NRG1: variants seen among roughly 807,000 people sequenced by gnomAD.
NRG1 encodes the protein neuregulin 1.
Under a neutral mutation model 63.8 loss-of-function variants are expected in NRG1, and 18 were observed. The observed-to-expected ratio is 0.28, with a 90% CI of 0.19 to 0.42. NRG1 has a LOEUF of 0.42. NRG1 is among the 10% of genes least tolerant of loss of function. The pLI, the probability that NRG1 is intolerant of heterozygous loss-of-function variation, is 1.00. For missense variants in NRG1, 762 were observed against 814.7 expected, an observed-to-expected ratio of 0.94 and a Z score of 0.79; for synonymous variants, 302 against 301.3, an observed-to-expected ratio of 1.00 and a Z score of -0.02.
intron 1 of NRG1, among the ~76,000 whole-genome samples, chr8:32,315,905 T>A (rs920875141): frequency 1.4e-5 from 2 of 144,812 alleles, no homozygotes; most frequent in Admixed American, 6.7e-5. Flanking sequence ...ATATTTTTAT[T>A]TAATACTAAG....
intron 1 of NRG1, among the ~76,000 whole-genome samples, chr8:32,093,720 G>T (rs1829513925): frequency 6.6e-6 from 1 of 152,152 alleles, no homozygotes; most frequent in South Asian, 2.1e-4. Context: ...CATTTAGTGG[G>T]GCAAAAAACG....
chr8:32,396,731 A>G (rs1812481492), intron 1 of NRG1, among the ~76,000 whole-genome samples: 1 of 152,212 alleles, frequency 6.6e-6, no homozygotes, highest in Non-Finnish European at 1.5e-5. Flanking sequence ...TACAGGCATG[A>G]GCCACTGTGC....
At chr8:32,243,545 A>T (rs1480299607) in intron 1 of NRG1, among the ~76,000 whole-genome samples, 1 of 151,962 alleles carries the variant, frequency 6.6e-6, no homozygotes, top group African/African-American at 2.4e-5. Flanking sequence ...TCACATTCTG[A>T]GGTGCTGGGA....
intron 1 of NRG1, among the ~76,000 whole-genome samples, chr8:32,173,008 G>A (rs1232108556): frequency 9.9e-5 from 15 of 152,118 alleles, no homozygotes; most frequent in African/African-American, 1.7e-4. Context: ...GATACTCCTC[G>A]AGAAGAGCAA....
At chr8:32,464,319 G>T (rs1277776392) in intron 1 of NRG1, among the ~76,000 whole-genome samples, 1 of 108,836 alleles carries the variant, frequency 9.2e-6, no homozygotes, top group Admixed American at 1.5e-4. Flanking sequence ...ACACAGAACT[G>T]TTTTCTAGAT....
At chr8:32,212,866 A>G (rs535831733) in intron 1 of NRG1, among the ~76,000 whole-genome samples, 1 of 152,292 alleles carries the variant, frequency 6.6e-6, no homozygotes, top group South Asian at 2.1e-4. Context: ...TTAAATTTGC[A>G]TTGTGCATTG....
rs377746964 is a variant in NRG1, at chr8:32,499,783, A to G, written c.38-96045A>G. Among the ~76,000 whole-genome samples the G allele has an allele frequency of 1.2e-4, 19 of 152,332 alleles. No individual in the cohort carries two copies. The East Asian group carries it at 1.5e-3, about 12-fold the overall frequency. Reference sequence around the variant, plus strand: ...TGCATTTCCCGGAGTTTGAAGGAACATGTTCTGGTGAGCTTCCTGAGTGGT... The same window carrying G: ...TGCATTTCCCGGAGTTTGAAGGAACGTGTTCTGGTGAGCTTCCTGAGTGGT... On this transcript the variant is annotated intron_variant, in intron 1 of 10. Coordinates refer to the NRG1 transcript ENST00000519301.
chr8:32,754,742 G>A (rs868326956), intron 8 of NRG1, among the ~76,000 whole-genome samples: 12 of 152,246 alleles, frequency 7.9e-5, no homozygotes, highest in African/African-American at 2.9e-4. Context: ...AGGCTTGTAT[G>A]GAAGGTATGT....
At chr8:31,856,735 T>G (rs930101504) in intron 1 of NRG1, among the ~76,000 whole-genome samples, 2 of 152,170 alleles carry the variant, frequency 1.3e-5, no homozygotes, top group Admixed American at 1.3e-4. Context: ...TTTCCCCATC[T>G]TTGTGGTTTT....
intron 1 of NRG1, among the ~76,000 whole-genome samples, chr8:32,366,677 GTA>G (rs71208175): frequency 5.9e-4 from 52 of 87,506 alleles, no homozygotes; most frequent in African/African-American, 2.0e-3. Context: ...GTGTGTGTGT[GTA>G]TATATATATA....
chr8:32,528,004 C>T lies in NRG1; in HGVS notation c.38-67824C>T, dbSNP rs151260026. On this transcript the variant is annotated intron_variant, in intron 1 of 10. Coordinates refer to the NRG1 transcript ENST00000519301. ...CTTGACTGGTACATGTGCCGTTCCC[C>T]TTTGCATCAAGCTTACATCTGCTCC... Among the ~76,000 whole-genome samples, 1,501 of 152,262 alleles carry T rather than the reference C, an allele frequency of 9.9e-3. 24 individuals are homozygous for T. The highest frequency in any genetic ancestry group is 0.034 in the African/African-American group (1,420 of 41,538).
At chr8:31,940,944 G>A (rs1801655104) in intron 1 of NRG1, among the ~76,000 whole-genome samples, 1 of 151,946 alleles carries the variant, frequency 6.6e-6, no homozygotes. Context: ...AGGACCAGAT[G>A]GATTCACAGC....
At chr8:32,514,478 G>T (rs976532037) in intron 1 of NRG1, among the ~76,000 whole-genome samples, 1 of 152,062 alleles carries the variant, frequency 6.6e-6, no homozygotes, top group East Asian at 1.9e-4. Context: ...TACAACAAAT[G>T]TTTTGATTAT....
At chr8:32,513,704 TTTTTATATATATCAGTGAAGATCTGTG>T (rs1829494928) in intron 1 of NRG1, among the ~76,000 whole-genome samples, 1 of 152,170 alleles carries the variant, frequency 6.6e-6, no homozygotes, top group African/African-American at 2.4e-5. Context: ...TCCAACAGCA[TTTTTATATATATCAGTGAAGATCTGTG>T]TCACAAAACA....
intron 1 of NRG1, among the ~76,000 whole-genome samples, chr8:31,783,603 CAAAAAAAAAA>C (rs772436543): frequency 9.0e-6 from 1 of 110,574 alleles, no homozygotes; most frequent in African/African-American, 3.3e-5. Context: ...TGTTTTCAGG[CAAAAAAAAAA>C]AAAAACAAAA....
intron 1 of NRG1, among the ~76,000 whole-genome samples, chr8:31,836,368 C>T (rs1370870319): frequency 6.6e-6 from 1 of 152,054 alleles, no homozygotes; most frequent in African/African-American, 2.4e-5. Context: ...GACGTCTTTA[C>T]ATATTTGTTG....
chr8:31,806,005 T>G (rs1027471300), intron 1 of NRG1, among the ~76,000 whole-genome samples: 15 of 152,234 alleles, frequency 9.9e-5, no homozygotes, highest in African/African-American at 3.6e-4. Context: ...TTGCCAACAT[T>G]GACTTTTAAT....
intron 1 of NRG1, among the ~76,000 whole-genome samples, chr8:32,587,734 A>G (rs1161190707): frequency 6.6e-6 from 1 of 152,086 alleles, no homozygotes; most frequent in African/African-American, 2.4e-5. Flanking sequence ...CCATTCAATA[A>G]ATTCAGAAAT....
rs186858365 is a variant in NRG1 at position 32,675,491 on chromosome 8, G to A, written c.503-52458G>A. ...CAAAAAGTACTTGTTGCTCAGATTTGAATAAGAGTAGTTTACTTGTCTACA... is the reference window on the plus strand; with the variant it reads ...CAAAAAGTACTTGTTGCTCAGATTTAAATAAGAGTAGTTTACTTGTCTACA... On this transcript the variant is annotated intron_variant, in intron 5 of 11. Coordinates refer to ENST00000356819, the Ensembl canonical transcript of NRG1. 7.0e-3 allele frequency among the ~76,000 whole-genome samples: 1,069 copies of A among 152,234 alleles called. 5 individuals carry two copies. The highest frequency in any genetic ancestry group is 0.024 in the Middle Eastern group (7 of 294).
Sources: gnomAD v4.1 joint callset for allele counts (sites outside exome capture counted in the v4.1 genomes callset) on GRCh38, gnomAD v4.1.1 for gene constraint, MANE v1.5 for transcripts, NCBI Gene and HGNC (gene_info 2026-07-23, HGNC 2026-07-21) for gene names.